WAC: variants seen among roughly 807,000 people sequenced by gnomAD.
The protein encoded by WAC is WW domain containing adaptor with coiled-coil.
Under a neutral mutation model 79.6 loss-of-function variants are expected in WAC, and 11 were observed. The observed-to-expected ratio is 0.14, with a 90% confidence interval of 0.09 to 0.23. The LOEUF (loss-of-function observed/expected upper bound fraction) is 0.23. Ranked by LOEUF, WAC falls within the 10% of genes least tolerant of loss-of-function variation. WAC has a pLI of 1.00. For synonymous variants in WAC, 304 were observed against 276.9 expected, an observed-to-expected ratio of 1.10 and a Z score of -0.97; for missense variants, 728 against 773.5, an observed-to-expected ratio of 0.94 and a Z score of 0.70.
chr10:28,585,706 T>G (rs1839786856), intron 4 of WAC, among the ~76,000 whole-genome samples: 1 of 152,120 alleles, frequency 6.6e-6, no homozygotes, highest in South Asian at 2.1e-4. Flanking sequence ...AACCTAAAGT[T>G]CCACTTGTCA....
At position 28,621,831 on chromosome 10, in the gene WAC, TCA is replaced by T. The variant is rs947404683; in HGVS notation, c.*2228_*2229del. The stretch of plus-strand genomic sequence containing the variant: ...AAGTTTACATCCCTAAATGAATTAG[TCA>T]CATATATTTAGGAGAAGATGCCTAA... On this transcript the variant is annotated 3_prime_UTR_variant, in exon 14 of 14. Coordinates refer to ENST00000354911, the MANE Select transcript of WAC (RefSeq NM_016628.5). 1 of 152,212 alleles carries T rather than the reference TCA, an allele frequency of 6.6e-6. No homozygotes were observed. The highest frequency in any genetic ancestry group is 2.4e-5 in the African/African-American group (1 of 41,454). 9.4% of individuals were successfully genotyped at this position (152,212 alleles called of 1,614,324 possible).
At chr10:28,589,381 A>G (rs12260262) in intron 4 of WAC, 3,491 of 166,546 alleles carry the variant, frequency 0.021, 143 homozygotes, top group African/African-American at 0.078. Context: ...TCATGCCATC[A>G]TCTAGTCGAG....
chr10:28,584,954 G>T (rs1026067096), intron 4 of WAC, among the ~76,000 whole-genome samples: 2 of 152,066 alleles, frequency 1.3e-5, no homozygotes, highest in Non-Finnish European at 2.9e-5. Flanking sequence ...TGTAATCCCA[G>T]CTACTTGGGA....
chr10:28,561,908 C>G (rs1342786916), intron 3 of WAC, among the ~76,000 whole-genome samples: 1 of 152,128 alleles, frequency 6.6e-6, no homozygotes, highest in Non-Finnish European at 1.5e-5. Context: ...CACCCCAAAA[C>G]CATCAACACC....
intron 7 of WAC, among the ~76,000 whole-genome samples, chr10:28,597,308 A>C (rs2132718324): frequency 6.6e-6 from 1 of 152,280 alleles, no homozygotes; most frequent in East Asian, 1.9e-4. Flanking sequence ...TAGTTAATAT[A>C]TTTTCCATAG....
intron 6 of WAC, 199 bp downstream of exon 6, chr10:28,591,031 ATG>A: frequency 1.9e-6 from 1 of 530,032 alleles, no homozygotes; most frequent in Non-Finnish European, 3.4e-6. Flanking sequence ...TAGTACAGGT[ATG>A]TGTTTCCCAC....
At chr10:28,594,048 AAGC>A (rs1401741402) in intron 6 of WAC, among the ~76,000 whole-genome samples, 1 of 152,160 alleles carries the variant, frequency 6.6e-6, no homozygotes, top group Admixed American at 6.5e-5. Context: ...AGGACAAGCA[AAGC>A]ACCACCCTCT....
chr10:28,619,469 T>C, intron 13 of WAC, 68 bp from the exon 14 acceptor site: 7 of 1,220,106 alleles, frequency 5.7e-6, no homozygotes, highest in Non-Finnish European at 7.8e-6. Context: ...ATTTTAATTA[T>C]AAAAGCTCGG....
chr10:28,611,041 A>G (rs962151329), intron 9 of WAC: 1 of 592,842 alleles, frequency 1.7e-6, no homozygotes. Flanking sequence ...GTCTTAAGGT[A>G]TTGCCATCAA....
At chr10:28,605,512 A>G (rs1193954178) in intron 7 of WAC, among the ~76,000 whole-genome samples, 1 of 152,210 alleles carries the variant, frequency 6.6e-6, no homozygotes, top group East Asian at 1.9e-4. Flanking sequence ...TCACTTGCCC[A>G]AGAGTCCCAT....
At position 28,617,731 on chromosome 10, in the gene WAC, T is replaced by A; in HGVS notation, c.1821T>A (p.Asn607Lys). Residue 607 changes from asparagine (N) to lysine (K), a missense_variant, in exon 13 of 14, where the codon AAT becomes AAA. Physicochemically the swap from Asn to Lys is moderately conservative, Grantham distance 94. Around this residue, in one of 3 missense-constraint regions of WAC, gnomAD observed 66 missense variants for 78.9 expected, o/e 0.84. Transcript: ENST00000354911. ...HMSEICTELKNLRSLVRVCEI... is the reference protein window; with the variant it reads ...HMSEICTELKKLRSLVRVCEI... ...CCGAAATTTGTACTGAATTAAAAAA[T>A]TTAAGATCTTTAGTCCGAGTATGTG... is the stretch of plus-strand genomic sequence containing the variant. 6.3e-7 allele frequency: 1 copy of A among 1,598,004 alleles called. No homozygotes were observed. Among genetic ancestry groups the A allele is most frequent in the Non-Finnish European group, 8.5e-7 (1 of 1,175,100 alleles).
chr10:28,571,353 G>C (rs573458549), intron 3 of WAC, among the ~76,000 whole-genome samples: 55 of 152,314 alleles, frequency 3.6e-4, no homozygotes, highest in Admixed American at 7.8e-4. Flanking sequence ...GATGAGATCT[G>C]TTCTTTCTTT....
At chr10:28,613,060 T>C (rs546474878) in intron 10 of WAC, among the ~76,000 whole-genome samples, 2 of 152,058 alleles carry the variant, frequency 1.3e-5, no homozygotes, top group Non-Finnish European at 2.9e-5. Context: ...GGCAGGAGGA[T>C]TGAATTAGGC....
chr10:28,612,625 A>G (rs894155760), intron 10 of WAC, among the ~76,000 whole-genome samples: 1 of 152,224 alleles, frequency 6.6e-6, no homozygotes, highest in Non-Finnish European at 1.5e-5. Flanking sequence ...GATATTAAGC[A>G]GAAGCCCAAA....
chr10:28,608,158 T>G lies in WAC; in HGVS notation c.920-28T>G, dbSNP rs2232790. ...TTCCAATTTTCTCTATTCAGGTAAT[T>G]TTTCAGGCTGATTATCTTTTTATTT... On this transcript the variant is annotated intron_variant, in intron 7 of 13. Transcript: ENST00000354911. 5,515 of 1,611,244 alleles carry G rather than the reference T, an allele frequency of 3.4e-3. 163 individuals carry two copies. In the African/African-American group the frequency reaches 0.065, roughly 19 times the overall value.
At chr10:28,575,775 T>C (rs1390780921) in intron 3 of WAC, among the ~76,000 whole-genome samples, 1 of 152,240 alleles carries the variant, frequency 6.6e-6, no homozygotes, top group Admixed American at 6.5e-5. Flanking sequence ...TTTCACTTTC[T>C]GGTAGTGTCT....
intron 3 of WAC, among the ~76,000 whole-genome samples, chr10:28,564,460 A>G (rs1407310586): frequency 6.6e-6 from 1 of 152,190 alleles, no homozygotes; most frequent in Non-Finnish European, 1.5e-5. Flanking sequence ...TGATGAAAAC[A>G]CATTAGTGGA....
chr10:28,590,677 C>T (rs1840038112), intron 5 of WAC, 43 bp from the exon 6 acceptor site: 1 of 1,501,916 alleles, frequency 6.7e-7, no homozygotes, highest in African/African-American at 1.4e-5. Context: ...AACTCATGCC[C>T]TTAATGTAAT....
intron 3 of WAC, among the ~76,000 whole-genome samples, chr10:28,568,134 G>A (rs1257916734): frequency 6.6e-6 from 1 of 152,120 alleles, no homozygotes; most frequent in South Asian, 2.1e-4. Flanking sequence ...ATTCTTTTTG[G>A]TCCCTTTAGT....
Sources: gnomAD v4.1 joint callset for allele counts (sites outside exome capture counted in the v4.1 genomes callset) on GRCh38, gnomAD v4.1.1 for gene constraint, gnomAD v4.1.1 regional missense constraint, MANE v1.5 for transcripts, NCBI Gene and HGNC (gene_info 2026-07-23, HGNC 2026-07-21) for gene names.